Variants in ICE1 observed in about 807,000 individuals in gnomAD.
ICE1 encodes little elongation complex subunit 1.
In ICE1, 64 loss-of-function variants were observed where a neutral mutation model predicts 192.7. That is an observed-to-expected ratio of 0.33 (90% CI 0.27 to 0.41). ICE1 has a LOEUF of 0.41. Among genes scored for constraint, ICE1 ranks in the 10% least tolerant of loss-of-function variants. The pLI, the probability that ICE1 is intolerant of heterozygous loss-of-function variation, is 1.00. For synonymous variants in ICE1, 1,010 were observed against 984.5 expected (o/e 1.03, Z -0.49); for missense variants, 2,708 against 2,696.0 (o/e 1.00, Z -0.10).
At chr5:5,488,217 A>G (rs1393191736) in intron 18 of ICE1, among the ~76,000 whole-genome samples, 1 of 152,146 alleles carries the variant, frequency 6.6e-6, no homozygotes, top group African/African-American at 2.4e-5. Context: ...TCATGTTTGA[A>G]TGTGTGGGCT....
In ICE1 at chr5:5,457,215, G is replaced by A. The variant is rs975223554; in HGVS notation, c.692-117G>A. 4.0e-6 allele frequency: 4 copies of A among 994,448 alleles called. No individual in the cohort carries two copies. In the South Asian group the frequency reaches 6.8e-5, roughly 17 times the overall value. The allele number at this position is 994,448 out of a possible 1,614,324, so 61.6% of individuals were successfully genotyped here. Reference sequence around the variant, plus strand: ...TTGGTTGCCTTTTAAAAAATTACTTGGACTTAATATTTCAAGCATTTTGAA... The same window carrying A: ...TTGGTTGCCTTTTAAAAAATTACTTAGACTTAATATTTCAAGCATTTTGAA... On this transcript the variant is annotated intron_variant, in intron 11 of 18. Transcript: ENST00000296564.
intron 17 of ICE1, among the ~76,000 whole-genome samples, chr5:5,480,989 A>G (rs1739487700): frequency 1.3e-5 from 2 of 152,328 alleles, no homozygotes; most frequent in South Asian, 4.1e-4. Flanking sequence ...AGATACCCTC[A>G]AGAACAATTT....
At chr5:5,439,371 T>C (rs1737971325) in intron 3 of ICE1, among the ~76,000 whole-genome samples, 1 of 152,182 alleles carries the variant, frequency 6.6e-6, no homozygotes. Flanking sequence ...TATCTTAGAA[T>C]ATTTTACTAG....
Position 5,460,602 on chromosome 5 carries a change from A to G in ICE1, c.1268A>G (p.His423Arg). 1 of 1,613,600 alleles carries G rather than the reference A, an allele frequency of 6.2e-7. No individual in the cohort carries two copies. Among genetic ancestry groups the G allele is most frequent in the Non-Finnish European group, 8.5e-7 (1 of 1,179,688 alleles). ...ACATGGGAGGAAAAGCCCAAATCAC[A>G]TGAAGCTATCCAAGCTCTGAATACA... ...SGTWEEKPKS[H>R]EAIQALNTWE... Residue 423 changes from histidine (H) to arginine (R), a missense_variant, in exon 13 of 19, where the codon CAT becomes CGT. Coordinates refer to ENST00000296564, the MANE Select transcript of ICE1 (RefSeq NM_015325.3).
intron 14 of ICE1, among the ~76,000 whole-genome samples, chr5:5,467,109 T>TG: frequency 6.6e-6 from 1 of 152,226 alleles, no homozygotes; most frequent in Non-Finnish European, 1.5e-5. Flanking sequence ...ACCATGTTTA[T>TG]GGGGCTTATA....
chr5:5,468,263 T>C lies in ICE1; in HGVS notation c.6062-565T>C, dbSNP rs565657168. 2.0e-5 allele frequency among the ~76,000 whole-genome samples: 3 copies of C among 152,338 alleles called. No individual in the cohort carries two copies. In the South Asian group the frequency reaches 6.2e-4, roughly 32 times the overall value. On this transcript the variant is annotated intron_variant, in intron 14 of 18. Coordinates refer to ENST00000296564, the MANE Select transcript of ICE1 (RefSeq NM_015325.3). The stretch of plus-strand genomic sequence containing the variant: ...CTGTATCTGGGGTGAGGTGATATAC[T>C]GCAGAGCACGAGAGCGAGAGAAGTT...
Position 5,466,472 on chromosome 5 carries a change from C to T in ICE1, c.6031C>T (p.Arg2011Cys). Residue 2011 changes from arginine to cysteine, a missense_variant, in exon 14 of 19, where the codon CGT becomes TGT. Transcript: ENST00000296564. ...GCAACTCGGAGACTTGGAAAGAGCT[C>T]GTTTGTTTTGCTACAGCCTACTTAA... Reference protein sequence around the residue: ...CRQLGDLERARLFCYSLLKED... With the variant: ...CRQLGDLERACLFCYSLLKED... The T allele has an allele frequency of 3.1e-6, 5 of 1,611,098 alleles. No homozygotes were observed. The highest frequency in any genetic ancestry group is 2.2e-5 in the East Asian group (1 of 44,790).
chr5:5,488,452 G>A (rs565493527), intron 18 of ICE1, among the ~76,000 whole-genome samples: 106 of 152,332 alleles, frequency 7.0e-4, no homozygotes, highest in Non-Finnish European at 1.3e-3. Flanking sequence ...TGCTCCAGAA[G>A]TTTCAGCTTC....
chr5:5,435,424 A>G (rs949727434), intron 1 of ICE1, among the ~76,000 whole-genome samples: 1 of 152,178 alleles, frequency 6.6e-6, no homozygotes, highest in African/African-American at 2.4e-5. Flanking sequence ...TAGTTTGGAT[A>G]ATTTCAAATT....
rs754843915 is a variant in ICE1 at position 5,436,393 on chromosome 5, C to CT, written c.85-24dup. ...ATATTTAAAGTAATTGATAAAAAAG[C>CT]TGACTGTGGCTTTTTTTCTTTCAGA... is the stretch of plus-strand genomic sequence containing the variant. On this transcript the variant is annotated intron_variant, in intron 1 of 18. Transcript: ENST00000296564. 44 of 1,401,714 alleles carry CT rather than the reference C, an allele frequency of 3.1e-5. No homozygotes were observed. The African/African-American group carries it at 5.9e-4, about 19-fold the overall frequency. The allele number at this position is 1,401,714 out of a possible 1,614,324, so 86.8% of individuals were successfully genotyped here.
chr5:5,466,520 C>T lies in ICE1; in HGVS notation c.6061+18C>T, dbSNP rs756944573. ...TAAAGAAGGTATGCTTAGATTGTGA[C>T]AATTTTGTATTGAAAATATACGATT... On this transcript the variant is annotated intron_variant, in intron 14 of 18. Transcript: ENST00000296564. 1.3e-6 allele frequency: 2 copies of T among 1,587,662 alleles called. No homozygotes were observed. Among genetic ancestry groups the T allele is most frequent in the Non-Finnish European group, 1.7e-6 (2 of 1,168,180 alleles).
chr5:5,461,074 A>G lies in ICE1; in HGVS notation c.1740A>G (p.Thr580=). The G allele has an allele frequency of 6.2e-7, 1 of 1,614,068 alleles. No individual in the cohort carries two copies. The highest frequency in any genetic ancestry group is 1.1e-5 in the South Asian group (1 of 91,088). The change falls in exon 13 of 19, where the codon ACA becomes ACG. Residue 580 remains threonine, a synonymous_variant. Transcript: ENST00000296564. ...TCACTTCTGAACCAGACCGTATCAC[A>G]GTTTCTGGCCATTTTCACAGACTAT... ...NEITSEPDRI[T]VSGHFHRLSR... is the part of the protein sequence containing the mutation.
rs1240524230 is a variant in ICE1, at chr5:5,441,092, T to A, written c.198-20T>A. On this transcript the variant is annotated intron_variant, in intron 4 of 18. Coordinates refer to ENST00000296564, the MANE Select transcript of ICE1 (RefSeq NM_015325.3). ...CGTTATAGATCCTTTTCTGTAATAA[T>A]GTTAATTCATTGTCTTTAGAGAGAA... The A allele has an allele frequency of 7.3e-7, 1 of 1,363,308 alleles. No individual in the cohort carries two copies. Among genetic ancestry groups the A allele is most frequent in the East Asian group, 2.5e-5 (1 of 40,114 alleles). The allele number at this position is 1,363,308 out of a possible 1,614,324, so 84.5% of individuals were successfully genotyped here.
intron 1 of ICE1, among the ~76,000 whole-genome samples, chr5:5,434,115 A>G (rs1737801598): frequency 6.6e-6 from 1 of 152,202 alleles, no homozygotes; most frequent in Non-Finnish European, 1.5e-5. Flanking sequence ...ATTCAAACTA[A>G]ATACAGAAAT....
intron 17 of ICE1, among the ~76,000 whole-genome samples, chr5:5,483,057 C>G (rs1309512117): frequency 6.6e-6 from 1 of 152,118 alleles, no homozygotes; most frequent in Admixed American, 6.5e-5. Context: ...ATGGCGTGAT[C>G]TCAGCTCACT....
At position 5,453,244 on chromosome 5, in the gene ICE1, C is replaced by G. The variant is rs148234489; in HGVS notation, c.605-1308C>G. On this transcript the variant is annotated intron_variant, in intron 10 of 18. Transcript: ENST00000296564. ...TATATCACAATGTAGATAAGCTACT[C>G]GATCACAGAATTTTGGAACTGAAAA... 3.2e-3 allele frequency among the ~76,000 whole-genome samples: 487 copies of G among 152,008 alleles called. 3 individuals are homozygous for G. The highest frequency in any genetic ancestry group is 0.019 in the South Asian group (93 of 4,816).
chr5:5,489,432 C>T lies in ICE1; in HGVS notation c.*102C>T, dbSNP rs1739727995. The T allele has an allele frequency of 9.5e-7, 1 of 1,056,862 alleles. No individual in the cohort carries two copies. The highest frequency in any genetic ancestry group is 1.6e-5 in the African/African-American group (1 of 62,220). The allele number at this position is 1,056,862 out of a possible 1,614,324, so 65.5% of individuals were successfully genotyped here. A position where few individuals can be genotyped will look rare whatever the true frequency, so the allele number is the denominator to read the frequency against. On this transcript the variant is annotated 3_prime_UTR_variant, in exon 19 of 19. Transcript: ENST00000296564. ...AAAGGGAGGTTTCAAAACAAAAAGACATAAAATAGATAAAACAGACCAGAG... is the reference window on the plus strand; with the variant it reads ...AAAGGGAGGTTTCAAAACAAAAAGATATAAAATAGATAAAACAGACCAGAG...
chr5:5,439,284 A>G (rs572586076), intron 3 of ICE1, among the ~76,000 whole-genome samples: 1 of 152,292 alleles, frequency 6.6e-6, no homozygotes, highest in South Asian at 2.1e-4. Context: ...ACACGTTTTT[A>G]TGAACGTACA....
intron 1 of ICE1, among the ~76,000 whole-genome samples, chr5:5,427,413 C>T (rs146337010): frequency 6.6e-5 from 10 of 152,294 alleles, no homozygotes; most frequent in African/African-American, 9.6e-5. Flanking sequence ...GACATAGTCT[C>T]TTTATTCTGA....
Sources: gnomAD v4.1 joint callset for allele counts (sites outside exome capture counted in the v4.1 genomes callset) on GRCh38, gnomAD v4.1.1 for gene constraint, MANE v1.5 for transcripts, NCBI Gene and HGNC (gene_info 2026-07-23, HGNC 2026-07-21) for gene names.